Variants in ASB5 observed in about 807,000 individuals in gnomAD.
ASB5 encodes ankyrin repeat and SOCS box protein 5.
In ASB5, 45 loss-of-function variants were observed where a neutral mutation model predicts 42.1. The ratio of observed to expected loss-of-function variants is 1.07; its 90% CI spans 0.84 to 1.37. ASB5 has a LOEUF of 1.37. Among genes scored for constraint, ASB5 ranks in the 40% most tolerant of loss-of-function variants. ASB5 has a pLI of 0.00. For synonymous variants in ASB5, 147 were observed against 150.6 expected, an observed-to-expected ratio of 0.98 and a Z score of 0.18; for missense variants, 402 against 399.8, an observed-to-expected ratio of 1.01 and a Z score of -0.05.
chr4:176,215,488 T>C lies in ASB5; in HGVS notation c.*112A>G, dbSNP rs1165622662. 1 of 1,090,162 alleles carries C rather than the reference T, an allele frequency of 9.2e-7. No homozygotes were observed. Among genetic ancestry groups the C allele is most frequent in the Non-Finnish European group, 1.3e-6 (1 of 775,870 alleles). 67.5% of individuals were successfully genotyped at this position (1,090,162 alleles called of 1,614,324 possible). A position where few individuals can be genotyped will look rare whatever the true frequency, so the allele number is the denominator to read the frequency against. The stretch of plus-strand genomic sequence containing the variant: ...ATTGATATTTTACTGCTTCCCTGGG[T>C]GATCTCACACTCACTTTTATCCTAT... On this transcript the variant is annotated 3_prime_UTR_variant, in exon 7 of 7. Coordinates refer to ENST00000296525, the MANE Select transcript of ASB5 (RefSeq NM_080874.4).
chr4:176,219,678 T>C (rs937051796), intron 5 of ASB5, among the ~76,000 whole-genome samples: 1 of 143,708 alleles, frequency 7.0e-6, no homozygotes, highest in Non-Finnish European at 1.5e-5. Context: ...GGGTTCAAGT[T>C]GCCTCAGCCT....
intron 6 of ASB5, among the ~76,000 whole-genome samples, chr4:176,216,420 G>A (rs4361333): frequency 6.6e-6 from 1 of 151,892 alleles, no homozygotes; most frequent in African/African-American, 2.4e-5. Context: ...GCGTAATCCT[G>A]GCTCACTGCA....
intron 1 of ASB5, among the ~76,000 whole-genome samples, chr4:176,255,384 T>C (rs986124619): frequency 3.9e-5 from 6 of 152,292 alleles, no homozygotes; most frequent in Admixed American, 2.0e-4. Context: ...TAAAAGAAAC[T>C]GTTCTAACAA....
chr4:176,252,331 C>T (rs1754058964), intron 1 of ASB5, among the ~76,000 whole-genome samples: 1 of 152,200 alleles, frequency 6.6e-6, no homozygotes, highest in South Asian at 2.1e-4. Context: ...TTATTCAGTG[C>T]ACATGCACCC....
At chr4:176,225,535 G>A (rs1439478596) in intron 1 of ASB5, among the ~76,000 whole-genome samples, 194 bp from the exon 2 acceptor site, 1 of 152,030 alleles carries the variant, frequency 6.6e-6, no homozygotes, top group African/African-American at 2.4e-5. Flanking sequence ...TTCCCAACAT[G>A]AGCCATGATG....
chr4:176,239,943 A>T (rs112112442), intron 1 of ASB5, among the ~76,000 whole-genome samples: 1,650 of 152,338 alleles, frequency 0.011, 31 homozygotes, highest in African/African-American at 0.037. Flanking sequence ...ACTAGAAAAT[A>T]ACAAAGAACA....
At chr4:176,248,958 A>C (rs1284989979) in intron 1 of ASB5, among the ~76,000 whole-genome samples, 1 of 151,976 alleles carries the variant, frequency 6.6e-6, no homozygotes, top group Non-Finnish European at 1.5e-5. Context: ...ACAGGTTTAC[A>C]TTTTGTTTGT....
In ASB5 at chr4:176,216,930, G is replaced by A; in HGVS notation, c.750C>T (p.Asn250=). 1 of 1,613,970 alleles carries A rather than the reference G, an allele frequency of 6.2e-7. No individual in the cohort carries two copies. The highest frequency in any genetic ancestry group is 8.5e-7 in the Non-Finnish European group (1 of 1,179,928). ...AAQQSSTEIV[N]LLLEFGADIN... is the part of the protein sequence containing the mutation. ...TATCTGCTCCAAATTCTAGCAGTAAGTTTACAATTTCTGTGCTGGATTGTT... is the reference window on the plus strand; with the variant it reads ...TATCTGCTCCAAATTCTAGCAGTAAATTTACAATTTCTGTGCTGGATTGTT... Residue 250 remains asparagine (N), a synonymous_variant, in exon 6 of 7, where the codon AAC becomes AAT. Transcript: ENST00000296525.
chr4:176,216,877 C>A lies in ASB5; in HGVS notation c.803G>T (p.Arg268Leu). 6.2e-7 allele frequency: 1 copy of A among 1,613,768 alleles called. No homozygotes were observed. The highest frequency in any genetic ancestry group is 8.5e-7 in the Non-Finnish European group (1 of 1,179,920). Residue 268 changes from arginine to leucine, a missense_variant, in exon 6 of 7, where the codon CGA becomes CTA. Coordinates refer to ENST00000296525, the MANE Select transcript of ASB5 (RefSeq NM_080874.4). ...DINAKNTELL[R>L]PIDVATSSSM... ...GCTAGACGTAGCTACATCTATAGGTCGCAGAAGCTCTGTATTTTTGGCATT... is the reference window on the plus strand; with the variant it reads ...GCTAGACGTAGCTACATCTATAGGTAGCAGAAGCTCTGTATTTTTGGCATT...
At chr4:176,268,375 CAT>C (rs1482275051) in intron 1 of ASB5, among the ~76,000 whole-genome samples, 20 of 152,258 alleles carry the variant, frequency 1.3e-4, no homozygotes, top group African/African-American at 4.1e-4. Flanking sequence ...CAGAAAAACA[CAT>C]GTCGTCAATC....
intron 2 of ASB5, among the ~76,000 whole-genome samples, chr4:176,223,386 A>G (rs1417052694): frequency 3.3e-5 from 5 of 152,226 alleles, no homozygotes; most frequent in African/African-American, 1.2e-4. Context: ...ACATCATTTT[A>G]TTGTAATTAT....
intron 1 of ASB5, among the ~76,000 whole-genome samples, chr4:176,232,978 C>T (rs1205837004): frequency 6.6e-6 from 1 of 152,140 alleles, no homozygotes; most frequent in East Asian, 1.9e-4. Flanking sequence ...CAAATTCCAG[C>T]ATAGATATTT....
upstream of ASB5, among the ~76,000 whole-genome samples, chr4:176,271,252 A>T (rs1457029633): frequency 6.6e-6 from 1 of 152,222 alleles, no homozygotes; most frequent in Non-Finnish European, 1.5e-5. Context: ...CTAAATAAAA[A>T]TTAAGCCCAA....
intron 1 of ASB5, among the ~76,000 whole-genome samples, chr4:176,262,698 A>G (rs1018913438): frequency 3.3e-5 from 5 of 152,278 alleles, no homozygotes; most frequent in Admixed American, 1.3e-4. Flanking sequence ...GTTAGTTTCT[A>G]TAGTTTATCC....
intron 2 of ASB5, chr4:176,275,757 A>G (rs1754552073): frequency 6.6e-6 from 1 of 152,214 alleles, no homozygotes; most frequent in Non-Finnish European, 1.5e-5. Context: ...ACTAGCTGGT[A>G]ATATTCCCAT....
intron 5 of ASB5, among the ~76,000 whole-genome samples, chr4:176,217,348 A>G (rs557771757): frequency 1.3e-4 from 20 of 152,258 alleles, no homozygotes; most frequent in East Asian, 5.8e-4. Flanking sequence ...ACTAACTACT[A>G]TTATAAAGAG....
intron 1 of ASB5, chr4:176,237,451 G>A: frequency 3.0e-6 from 3 of 985,884 alleles, no homozygotes; most frequent in Non-Finnish European, 3.6e-6. Flanking sequence ...GTGACAACCA[G>A]GTGTCATAAG....
chr4:176,265,593 C>T (rs1315876264), intron 1 of ASB5, among the ~76,000 whole-genome samples: 1 of 152,172 alleles, frequency 6.6e-6, no homozygotes, highest in Non-Finnish European at 1.5e-5. Context: ...TAAGACAGAA[C>T]TTAAAAAGTA....
intron 1 of ASB5, among the ~76,000 whole-genome samples, chr4:176,251,564 TAAAAAA>T (rs34392287): frequency 1.3e-3 from 13 of 10,374 alleles, no homozygotes; most frequent in East Asian, 2.7e-3. Context: ...TCTGTCTCAT[TAAAAAA>T]AAAAAAAAAA....
Sources: allele counts gnomAD v4.1 joint callset (sites outside exome capture counted in the v4.1 genomes callset), GRCh38; gene constraint gnomAD v4.1.1; transcripts MANE v1.5; gene names NCBI Gene and HGNC (gene_info 2026-07-23, HGNC 2026-07-21).